Variants in PTPRK observed in about 807,000 individuals in gnomAD.
The protein encoded by PTPRK is protein tyrosine phosphatase receptor type K.
A neutral mutation model predicts 178.0 loss-of-function variants in PTPRK; 75 were observed. That is an observed-to-expected ratio of 0.42 (90% CI 0.35 to 0.51). The LOEUF is 0.51. Ranked by LOEUF, PTPRK falls within the 20% of genes least tolerant of loss-of-function variation. The probability of loss-of-function intolerance (pLI) is 0.02; values close to 1 mark genes in which losing one functional copy is unlikely to be tolerated. For synonymous variants in PTPRK, 637 were observed against 620.6 expected (o/e 1.03, Z -0.39); for missense variants, 1,441 against 1,797.8 (o/e 0.80, Z 3.59).
intron 13 of PTPRK, among the ~76,000 whole-genome samples, chr6:128,021,043 G>A (rs1360685419): frequency 6.6e-6 from 1 of 152,156 alleles, no homozygotes; most frequent in Non-Finnish European, 1.5e-5. Flanking sequence ...GCTTTTCCAA[G>A]ATAATTTAGT....
chr6:128,454,491 T>C (rs1848163445), intron 1 of PTPRK, among the ~76,000 whole-genome samples: 1 of 152,248 alleles, frequency 6.6e-6, no homozygotes, highest in Non-Finnish European at 1.5e-5. Flanking sequence ...TTGTTATTTA[T>C]TTGTATTGCA....
intron 21 of PTPRK, among the ~76,000 whole-genome samples, chr6:127,989,777 T>C (rs1464611411): frequency 6.6e-6 from 1 of 151,802 alleles, no homozygotes; most frequent in Non-Finnish European, 1.5e-5. Context: ...ACATTTTTAA[T>C]AGGCTTGTTA....
chr6:128,240,179 T>C (rs1172368208), intron 4 of PTPRK, 29 bp from the exon 5 acceptor site: 3 of 1,503,838 alleles, frequency 2.0e-6, no homozygotes, highest in East Asian at 2.3e-5. Flanking sequence ...AAAAATGTAT[T>C]TGTTTTCACA....
At chr6:128,198,000 C>G (rs1355249928) in intron 6 of PTPRK, among the ~76,000 whole-genome samples, 1 of 152,084 alleles carries the variant, frequency 6.6e-6, no homozygotes, top group Non-Finnish European at 1.5e-5. Flanking sequence ...AATTCAAGTG[C>G]CAGACTTGTG....
At position 128,520,556 on chromosome 6, in the gene PTPRK, G is replaced by A; in HGVS notation, c.-198C>T. ...GCGTCGCCAGCGTCGCCGGCCGGCC[G>A]CGGCGGCAGCTCTCCATGCTCGGCG... On this transcript the variant is annotated 5_prime_UTR_variant, in exon 1 of 30. Coordinates refer to ENST00000368226, the MANE Select transcript of PTPRK (RefSeq NM_002844.4). 1 of 573,096 alleles carries A rather than the reference G, an allele frequency of 1.7e-6. No individual in the cohort carries two copies. The allele number at this position is 573,096 out of a possible 1,614,324, so 35.5% of individuals were successfully genotyped here.
chr6:128,399,529 A>G (rs1840755380), intron 1 of PTPRK, among the ~76,000 whole-genome samples: 1 of 152,250 alleles, frequency 6.6e-6, no homozygotes, highest in South Asian at 2.1e-4. Flanking sequence ...AAATTAACCA[A>G]TGAAAATAGG....
intron 1 of PTPRK, among the ~76,000 whole-genome samples, chr6:128,506,973 C>G (rs910761994): frequency 6.6e-6 from 1 of 151,994 alleles, no homozygotes; most frequent in African/African-American, 2.4e-5. Flanking sequence ...ATTAGTGTGC[C>G]AGGCACTCAT....
chr6:128,376,243 C>T (rs1357342201), intron 2 of PTPRK, among the ~76,000 whole-genome samples: 2 of 152,220 alleles, frequency 1.3e-5, no homozygotes, highest in African/African-American at 4.8e-5. Flanking sequence ...AAACTTCTTC[C>T]TGGATATCCA....
chr6:128,079,382 T>C (rs1276675537), intron 10 of PTPRK, among the ~76,000 whole-genome samples: 15 of 151,990 alleles, frequency 9.9e-5, no homozygotes, highest in Non-Finnish European at 2.1e-4. Flanking sequence ...CACAGTACTC[T>C]TATGCTAATG....
intron 7 of PTPRK, among the ~76,000 whole-genome samples, chr6:128,134,709 G>A (rs1490129654): frequency 6.6e-6 from 1 of 152,136 alleles, no homozygotes; most frequent in Non-Finnish European, 1.5e-5. Context: ...TATTCGAGAG[G>A]CTGAAGTGGG....
intron 4 of PTPRK, chr6:128,241,366 T>C: frequency 1.9e-6 from 1 of 520,504 alleles, no homozygotes; most frequent in Non-Finnish European, 3.9e-6. Flanking sequence ...CCCAGACCTA[T>C]TCAATCAGAA....
At chr6:128,503,096 T>C (rs9491976) in intron 1 of PTPRK, among the ~76,000 whole-genome samples, 42,231 of 151,976 alleles carry the variant, frequency 0.28, 6,888 homozygotes, top group African/African-American at 0.44. Context: ...GCGTATGGCA[T>C]ATGCCTGTAA....
At chr6:128,477,522 T>C (rs1402913226) in intron 1 of PTPRK, among the ~76,000 whole-genome samples, 2 of 152,162 alleles carry the variant, frequency 1.3e-5, no homozygotes, top group Non-Finnish European at 2.9e-5. Flanking sequence ...AAAGGTAACA[T>C]TGTTTTCATA....
chr6:128,168,819 C>A (rs1799792584), intron 7 of PTPRK, among the ~76,000 whole-genome samples: 1 of 151,892 alleles, frequency 6.6e-6, no homozygotes, highest in Admixed American at 6.6e-5. Context: ...TTCACAATAG[C>A]CAAGATATGA....
At chr6:128,222,459 C>T (rs1283527905) in intron 5 of PTPRK, among the ~76,000 whole-genome samples, 1 of 152,144 alleles carries the variant, frequency 6.6e-6, no homozygotes, top group Non-Finnish European at 1.5e-5. Flanking sequence ...ATTCACAGAC[C>T]AAATTATCCT....
rs568296338 is a variant in PTPRK at position 128,465,636 on chromosome 6, A to C, written c.100+54623T>G. Among the ~76,000 whole-genome samples, 501 of 152,312 alleles carry C rather than the reference A, an allele frequency of 3.3e-3. 2 individuals carry two copies. Among genetic ancestry groups the C allele is most frequent in the African/African-American group, 0.011 (473 of 41,562 alleles). On this transcript the variant is annotated intron_variant, in intron 1 of 29. Coordinates refer to ENST00000368226, the MANE Select transcript of PTPRK (RefSeq NM_002844.4). ...GAAAATGCAGGCCTTTTATTCAAAC[A>C]CCAGGAAAATGAATTCCTTTATCTT...
intron 1 of PTPRK, among the ~76,000 whole-genome samples, chr6:128,460,463 G>A (rs1205487990): frequency 6.6e-6 from 1 of 151,988 alleles, no homozygotes; most frequent in Non-Finnish European, 1.5e-5. Flanking sequence ...GATCACTTGA[G>A]CCCAGGAGGT....
rs182469628 is a variant in PTPRK, at chr6:128,454,346, G to A, written c.101-56658C>T. Among the ~76,000 whole-genome samples, 23 of 152,276 alleles carry A rather than the reference G, an allele frequency of 1.5e-4. No homozygotes were observed. In the East Asian group the frequency reaches 4.1e-3, roughly 27 times the overall value. ...CAGATGCTGCTAAGCAAACTTTGAT[G>A]ATAATTTAAAAAGAGTTATCTAAAT... On this transcript the variant is annotated intron_variant, in intron 1 of 29. Transcript: ENST00000368226.
intron 15 of PTPRK, chr6:128,000,044 G>A (rs1193689504): frequency 1.0e-6 from 1 of 963,222 alleles, no homozygotes; most frequent in Non-Finnish European, 1.2e-6. Context: ...ACAACGAGAA[G>A]CATGCTCATA....
Sources: gnomAD v4.1 joint callset for allele counts (sites outside exome capture counted in the v4.1 genomes callset) on GRCh38, gnomAD v4.1.1 for gene constraint, MANE v1.5 for transcripts, NCBI Gene and HGNC (gene_info 2026-07-23, HGNC 2026-07-21) for gene names.